The following GPR173 variants were observed in gnomAD, a reference collection of about 807,000 sequenced individuals.
The protein encoded by GPR173 is G protein-coupled receptor 173, also known as probable G protein-coupled receptor 173.
Under a neutral mutation model 13.9 loss-of-function variants are expected in GPR173, and 2 were observed. The ratio of observed to expected loss-of-function variants is 0.14; its 90% CI spans 0.06 to 0.45. The LOEUF is 0.45. Ranked by LOEUF, GPR173 falls within the 20% of genes least tolerant of loss-of-function variation. The pLI is 0.98. For missense variants in GPR173, 202 were observed against 340.5 expected, an observed-to-expected ratio of 0.59 and a Z score of 3.20; for synonymous variants, 131 against 141.0, an observed-to-expected ratio of 0.93 and a Z score of 0.50.
chrX:53,072,905 G>A (rs1556804944), intron 1 of GPR173, among the ~76,000 whole-genome samples: 1 of 111,032 alleles, frequency 9.0e-6, no homozygotes, highest in Non-Finnish European at 1.9e-5. Context: ...CTCCTGTCAT[G>A]GGCTCTGAGA....
At position 53,076,724 on chromosome X, in the gene GPR173, G is replaced by A. The variant is rs782658849; in HGVS notation, c.103G>A (p.Val35Met). Residue 35 changes from valine (V) to methionine (M), a missense_variant, in exon 2 of 2, where the codon GTG becomes ATG. Val to Met is a conservative substitution (Grantham distance 21). Transcript: ENST00000332582. Reference protein sequence around the residue: ...KLVLLGLIMCVSLAGNAILSL... With the variant: ...KLVLLGLIMCMSLAGNAILSL... ...GGTACTGCTGGGACTGATTATGTGC[G>A]TGAGCCTGGCGGGTAACGCCATCTT... 3.3e-5 allele frequency: 40 copies of A among 1,209,759 alleles called. No homozygotes were observed. The Middle Eastern group carries it at 6.9e-4, about 21-fold the overall frequency.
chrX:53,060,448 C>T (rs192022151), intron 1 of GPR173, among the ~76,000 whole-genome samples: 593 of 108,714 alleles, frequency 5.5e-3, no homozygotes, highest in Non-Finnish European at 7.0e-3. Flanking sequence ...GGCATGGTGG[C>T]GGGTGCCTGT....
At chrX:53,054,358 A>G (rs2146671941) in intron 1 of GPR173, among the ~76,000 whole-genome samples, 1 of 110,190 alleles carries the variant, frequency 9.1e-6, no homozygotes, top group African/African-American at 3.3e-5. Flanking sequence ...TAAAAATACA[A>G]CTGGGCGTGG....
intron 1 of GPR173, among the ~76,000 whole-genome samples, chrX:53,063,100 G>T (rs191994590): frequency 5.3e-4 from 58 of 109,895 alleles, no homozygotes; most frequent in Middle Eastern, 4.7e-3. Context: ...GGAGCCCTCT[G>T]CAGTGGCTCC....
chrX:53,072,015 G>A (rs1166186262), intron 1 of GPR173, among the ~76,000 whole-genome samples: 1 of 109,859 alleles, frequency 9.1e-6, no homozygotes, highest in East Asian at 2.9e-4. Flanking sequence ...GTGTTTGCAC[G>A]CGTCTTGAGC....
chrX:53,073,821 TA>T (rs1306273918), intron 1 of GPR173, among the ~76,000 whole-genome samples: 16 of 74,045 alleles, frequency 2.2e-4, no homozygotes, highest in African/African-American at 3.6e-4. Context: ...TTTATATATA[TA>T]AAAAAGTTTG....
intron 1 of GPR173, among the ~76,000 whole-genome samples, chrX:53,073,118 G>C (rs369064991): frequency 9.1e-6 from 1 of 109,395 alleles, no homozygotes; most frequent in East Asian, 2.8e-4. Flanking sequence ...CCGGCTACTC[G>C]GGAGGCTGAG....
At chrX:53,075,935 G>A (rs992355634) in intron 1 of GPR173, among the ~76,000 whole-genome samples, 1 of 111,392 alleles carries the variant, frequency 9.0e-6, no homozygotes, top group Admixed American at 9.6e-5. Context: ...TATGTGTAGC[G>A]GGTTGTGATG....
chrX:53,060,031 T>TACACACACACAC (rs1332378324), intron 1 of GPR173, among the ~76,000 whole-genome samples: 2 of 101,197 alleles, frequency 2.0e-5, no homozygotes, highest in African/African-American at 7.5e-5. Flanking sequence ...TATATATATA[T>TACACACACACAC]ACACACACAC....
At chrX:53,068,126 T>C (rs1932211375) in intron 1 of GPR173, among the ~76,000 whole-genome samples, 1 of 111,584 alleles carries the variant, frequency 9.0e-6, no homozygotes, top group Non-Finnish European at 1.9e-5. Flanking sequence ...ATAACAGATA[T>C]GCTTCAGAAT....
intron 1 of GPR173, among the ~76,000 whole-genome samples, chrX:53,075,056 C>G (rs781862570): frequency 2.8e-5 from 3 of 105,477 alleles, no homozygotes; most frequent in Non-Finnish European, 5.8e-5. Context: ...AAAAAGTTCT[C>G]GCCACGGCCT....
At chrX:53,066,741 C>T (rs368274166) in intron 1 of GPR173, among the ~76,000 whole-genome samples, 18 of 90,223 alleles carry the variant, frequency 2.0e-4, no homozygotes, top group African/African-American at 8.4e-4. Flanking sequence ...ATTATTATTA[C>T]TATTATTTTT....
At chrX:53,066,089 G>C (rs1932180130) in intron 1 of GPR173, among the ~76,000 whole-genome samples, 1 of 111,144 alleles carries the variant, frequency 9.0e-6, no homozygotes, top group Non-Finnish European at 1.9e-5. Flanking sequence ...GACAGAGTGA[G>C]ACCCTGTTTC....
At position 53,076,930 on chromosome X, in the gene GPR173, C is replaced by T. The variant is rs1310033744; in HGVS notation, c.309C>T (p.Ala103=). 17 of 1,208,498 alleles carry T rather than the reference C, an allele frequency of 1.4e-5. No homozygotes were observed. The highest frequency in any genetic ancestry group is 1.8e-5 in the South Asian group (1 of 56,944). Residue 103 remains alanine, a synonymous_variant, in exon 2 of 2, where the codon GCC becomes GCT. Coordinates refer to ENST00000332582, the MANE Select transcript of GPR173 (RefSeq NM_018969.6). The part of the protein sequence containing the change: ...ALSCKIVAFM[A]VLFCFHAAFM... ...GCTGCAAGATTGTGGCCTTTATGGC[C>T]GTGCTCTTTTGCTTCCATGCGGCCT...
chrX:53,074,300 A>G (rs374666029), intron 1 of GPR173, among the ~76,000 whole-genome samples: 1 of 68,978 alleles, frequency 1.4e-5, no homozygotes, highest in Non-Finnish European at 2.4e-5. Context: ...AAATATATAT[A>G]AATATACATT....
In GPR173 at chrX:53,077,363, G is replaced by A; in HGVS notation, c.742G>A (p.Gly248Ser). 2 of 1,198,700 alleles carry A rather than the reference G, an allele frequency of 1.7e-6. No individual in the cohort carries two copies. The highest frequency in any genetic ancestry group is 2.2e-6 in the Non-Finnish European group (2 of 888,924). Reference protein sequence around the residue: ...TGQAAANWIAGFGRGPMPPTL... With the variant: ...TGQAAANWIASFGRGPMPPTL... ...CCAGGCTGCTGCCAACTGGATCGCC[G>A]GCTTTGGCCGTGGGCCCATGCCACC... is the stretch of plus-strand genomic sequence containing the variant. Residue 248 changes from glycine to serine, a missense_variant, in exon 2 of 2, where the codon GGC becomes AGC. Around this residue, in one of 3 missense-constraint regions of GPR173, gnomAD observed 76 missense variants for 116.3 expected, o/e 0.65. Coordinates refer to ENST00000332582, the MANE Select transcript of GPR173 (RefSeq NM_018969.6).
intron 1 of GPR173, among the ~76,000 whole-genome samples, chrX:53,066,488 G>A (rs1181241985): frequency 4.5e-5 from 5 of 110,426 alleles, no homozygotes; most frequent in Non-Finnish European, 7.6e-5. Context: ...GTAAAACCCC[G>A]TCTCTACTAA....
chrX:53,065,721 T>C (rs1932176148), intron 1 of GPR173, among the ~76,000 whole-genome samples: 1 of 112,362 alleles, frequency 8.9e-6, no homozygotes, highest in Non-Finnish European at 1.9e-5. Context: ...TAATTTGTAG[T>C]GTTTGAATTT....
At chrX:53,050,005 A>G (rs1314632835) in intron 1 of GPR173, among the ~76,000 whole-genome samples, 1 of 108,133 alleles carries the variant, frequency 9.2e-6, no homozygotes, top group Admixed American at 9.9e-5. Context: ...GTGGGTAGAC[A>G]TGACAGAGAA....
Sources: allele counts gnomAD v4.1 joint callset (sites outside exome capture counted in the v4.1 genomes callset), GRCh38; gene constraint gnomAD v4.1.1; regional missense constraint gnomAD v4.1.1; transcripts MANE v1.5; gene names NCBI Gene and HGNC (gene_info 2026-07-23, HGNC 2026-07-21).